GNAT3: variants seen among roughly 807,000 people sequenced by gnomAD.
The protein encoded by GNAT3 is G protein subunit alpha transducin 3, also known as guanine nucleotide-binding protein G(t) subunit alpha-3.
Under a neutral mutation model 37.7 loss-of-function variants are expected in GNAT3, and 31 were observed. The observed-to-expected ratio is 0.82, with a 90% CI of 0.62 to 1.11. The LOEUF is 1.11. Among genes scored for constraint, GNAT3 ranks in the 50% most tolerant of loss-of-function variants. The probability of loss-of-function intolerance (pLI) is 0.00; values close to 1 mark genes in which losing one functional copy is unlikely to be tolerated. For synonymous variants in GNAT3, 138 were observed against 139.8 expected (o/e 0.99, Z 0.09); for missense variants, 437 against 412.5 (o/e 1.06, Z -0.51).
chr7:80,476,693 A>G (rs574887349), intron 4 of GNAT3, among the ~76,000 whole-genome samples: 2 of 151,982 alleles, frequency 1.3e-5, no homozygotes, highest in Non-Finnish European at 2.9e-5. Flanking sequence ...TATATAATGT[A>G]TATGAAATAG....
chr7:80,491,003 A>C (rs1790580773), intron 2 of GNAT3, among the ~76,000 whole-genome samples: 1 of 152,174 alleles, frequency 6.6e-6, no homozygotes, highest in African/African-American at 2.4e-5. Context: ...AAGGAGATTG[A>C]TCTTGACAGC....
intron 1 of GNAT3, among the ~76,000 whole-genome samples, chr7:80,510,960 A>T (rs1001773619): frequency 6.6e-6 from 1 of 152,128 alleles, no homozygotes; most frequent in Admixed American, 6.6e-5. Flanking sequence ...AGAAAGTACA[A>T]CTCATAATTG....
chr7:80,464,608 A>G (rs1054738395), intron 5 of GNAT3, among the ~76,000 whole-genome samples: 1 of 152,126 alleles, frequency 6.6e-6, no homozygotes, highest in African/African-American at 2.4e-5. Flanking sequence ...GATTAGAAGC[A>G]AAGAAATAAA....
At chr7:80,474,439 ATG>A in intron 4 of GNAT3, 60 bp from the exon 5 acceptor site, 1 of 740,016 alleles carries the variant, frequency 1.4e-6, no homozygotes, top group Non-Finnish European at 2.2e-6. Context: ...ACATACATAT[ATG>A]TATATATACA....
At chr7:80,479,515 T>A (rs930924995) in intron 3 of GNAT3, among the ~76,000 whole-genome samples, 25 of 151,132 alleles carry the variant, frequency 1.7e-4, no homozygotes, top group Non-Finnish European at 3.5e-4. Context: ...AGCCCAGGAG[T>A]CTGAGACCAG....
At chr7:80,482,689 ATTTT>A (rs71079119) in intron 3 of GNAT3, among the ~76,000 whole-genome samples, 67 of 114,104 alleles carry the variant, frequency 5.9e-4, no homozygotes, top group Non-Finnish European at 1.0e-3. Flanking sequence ...AATTTTTGTA[ATTTT>A]TTTTTTTTTT....
At chr7:80,476,985 T>C (rs1281516259) in intron 4 of GNAT3, among the ~76,000 whole-genome samples, 1 of 152,150 alleles carries the variant, frequency 6.6e-6, no homozygotes, top group East Asian at 1.9e-4. Context: ...AGTTGAAAAC[T>C]ATTACAATAT....
At chr7:80,467,081 C>G (rs1394771065) in intron 5 of GNAT3, among the ~76,000 whole-genome samples, 2 of 152,000 alleles carry the variant, frequency 1.3e-5, no homozygotes, top group African/African-American at 2.4e-5. Flanking sequence ...GTGGTTTGTT[C>G]CTAAACTCAC....
At chr7:80,471,179 G>T (rs1266853832) in intron 5 of GNAT3, among the ~76,000 whole-genome samples, 1 of 150,326 alleles carries the variant, frequency 6.7e-6, no homozygotes, top group African/African-American at 2.4e-5. Context: ...GGGAGGCTAG[G>T]CCAGTCTGTC....
intron 5 of GNAT3, 55 bp downstream of exon 5, chr7:80,474,196 A>C: frequency 1.9e-6 from 3 of 1,549,318 alleles, no homozygotes; most frequent in Non-Finnish European, 2.6e-6. Context: ...CCATGAGGAA[A>C]TATTAAGCCT....
At chr7:80,459,323 C>T (rs1369498038) in intron 7 of GNAT3, among the ~76,000 whole-genome samples, 1 of 152,092 alleles carries the variant, frequency 6.6e-6, no homozygotes, top group Non-Finnish European at 1.5e-5. Context: ...AGAATTGTAG[C>T]ACTAGACTTG....
intron 1 of GNAT3, among the ~76,000 whole-genome samples, chr7:80,496,405 G>C (rs1584192003): frequency 6.6e-6 from 1 of 151,998 alleles, no homozygotes; most frequent in South Asian, 2.1e-4. Context: ...TGCTGGGATT[G>C]TAGGCATGAG....
intron 2 of GNAT3, among the ~76,000 whole-genome samples, chr7:80,489,146 C>T (rs1048086352): frequency 2.0e-5 from 3 of 152,046 alleles, no homozygotes; most frequent in Non-Finnish European, 4.4e-5. Flanking sequence ...ACAGCATTAA[C>T]AAAGGCATCT....
intron 3 of GNAT3, 117 bp from the exon 4 acceptor site, chr7:80,479,115 C>A: frequency 1.3e-6 from 1 of 754,560 alleles, no homozygotes; most frequent in South Asian, 2.6e-5. Context: ...AATAATTCCA[C>A]CAAACATCTT....
chr7:80,490,374 G>T (rs11978272), intron 2 of GNAT3, among the ~76,000 whole-genome samples: 17,373 of 152,160 alleles, frequency 0.11, 2,682 homozygotes, highest in African/African-American at 0.35. Flanking sequence ...TGTTGAAGAG[G>T]ACTGAGTTAT....
At chr7:80,511,315 A>G (rs1791060697) in intron 1 of GNAT3, among the ~76,000 whole-genome samples, 1 of 152,140 alleles carries the variant, frequency 6.6e-6, no homozygotes, top group Non-Finnish European at 1.5e-5. Context: ...TTGTTAATAT[A>G]ATTTAAAGTA....
intron 1 of GNAT3, among the ~76,000 whole-genome samples, chr7:80,495,846 G>A (rs182537306): frequency 1.3e-5 from 2 of 152,176 alleles, no homozygotes; most frequent in East Asian, 3.9e-4. Flanking sequence ...CCATTTGTAT[G>A]TCTTCTTTGA....
At chr7:80,497,530 C>T (rs1034075843) in intron 1 of GNAT3, among the ~76,000 whole-genome samples, 1 of 145,390 alleles carries the variant, frequency 6.9e-6, no homozygotes, top group African/African-American at 2.6e-5. Context: ...TTGTTTCTCT[C>T]TCTATATATA....
intron 3 of GNAT3, among the ~76,000 whole-genome samples, chr7:80,479,987 C>T (rs1414381245): frequency 6.6e-6 from 1 of 152,046 alleles, no homozygotes; most frequent in East Asian, 1.9e-4. Flanking sequence ...GTTGGGATAA[C>T]ATTTGGAGGT....
Sources: gnomAD v4.1 joint callset for allele counts (sites outside exome capture counted in the v4.1 genomes callset) on GRCh38, gnomAD v4.1.1 for gene constraint, MANE v1.5 for transcripts, NCBI Gene and HGNC (gene_info 2026-07-23, HGNC 2026-07-21) for gene names.